The following DAB1 variants were observed in gnomAD, a reference collection of about 807,000 sequenced individuals.
DAB1 encodes disabled homolog 1.
Under a neutral mutation model 64.6 loss-of-function variants are expected in DAB1, and 15 were observed. The ratio of observed to expected loss-of-function variants is 0.23; its 90% CI spans 0.16 to 0.36. The LOEUF is 0.36. DAB1 is among the 10% of genes least tolerant of loss of function. The pLI is 1.00. For missense variants in DAB1, 596 were observed against 706.7 expected (o/e 0.84, Z 1.78); for synonymous variants, 235 against 251.9 (o/e 0.93, Z 0.64).
chr1:57,298,286 G>A (rs1279201400), intron 1 of DAB1, among the ~76,000 whole-genome samples: 2 of 152,194 alleles, frequency 1.3e-5, no homozygotes, highest in Non-Finnish European at 2.9e-5. Context: ...CTATAAAGCT[G>A]CTGTAGGTGT....
rs192125319 is a variant in DAB1, at chr1:58,199,130, T to G, written n.310-48542A>C. On this transcript the variant is annotated intron_variant and non_coding_transcript_variant, in intron 4 of 20. Transcript: ENST00000485760. ...TCAAAAACAAAAAACAAAAAACAAA[T>G]GTACTGGAACTGCCTGCAGTCCTAT... Among the ~76,000 whole-genome samples, 390 of 151,954 alleles carry G rather than the reference T, an allele frequency of 2.6e-3. 2 individuals are homozygous for G. The highest frequency in any genetic ancestry group is 9.1e-3 in the African/African-American group (379 of 41,478).
At chr1:58,373,420 G>T (rs531621867) in intron 3 of DAB1, among the ~76,000 whole-genome samples, 3 of 148,766 alleles carry the variant, frequency 2.0e-5, no homozygotes, top group South Asian at 4.4e-4. Flanking sequence ...AGAATATGCG[G>T]TGTTTGGTTT....
At chr1:57,181,698 C>T (rs1375560203) in intron 2 of DAB1, among the ~76,000 whole-genome samples, 6 of 152,206 alleles carry the variant, frequency 3.9e-5, no homozygotes, top group Non-Finnish European at 7.4e-5. Flanking sequence ...AAATTAAGTA[C>T]AAATGTGTAT....
chr1:57,890,593 T>A (rs1644297155), intron 5 of DAB1, among the ~76,000 whole-genome samples: 1 of 151,782 alleles, frequency 6.6e-6, no homozygotes, highest in African/African-American at 2.4e-5. Context: ...GTCACTGGGA[T>A]CCCCGGCATG....
intron 5 of DAB1, among the ~76,000 whole-genome samples, chr1:58,078,699 A>T (rs944115659): frequency 6.6e-6 from 1 of 152,220 alleles, no homozygotes; most frequent in Admixed American, 6.5e-5. Context: ...TGTTAATTTT[A>T]ATATTAATAA....
At chr1:58,055,890 T>TATG (rs967077347) in intron 5 of DAB1, among the ~76,000 whole-genome samples, 3 of 150,916 alleles carry the variant, frequency 2.0e-5, no homozygotes, top group African/African-American at 7.3e-5. Context: ...GAGTTATTAT[T>TATG]ATTATTATTA....
At chr1:57,365,533 A>C (rs1218084726) in intron 1 of DAB1, among the ~76,000 whole-genome samples, 1 of 151,790 alleles carries the variant, frequency 6.6e-6, no homozygotes, top group East Asian at 1.9e-4. Context: ...GGACTGCTAT[A>C]TTCCAACCAA....
intron 4 of DAB1, among the ~76,000 whole-genome samples, chr1:58,266,021 C>G (rs1303672617): frequency 7.8e-6 from 1 of 128,456 alleles, no homozygotes; most frequent in African/African-American, 3.0e-5. Context: ...TGTCTCTATA[C>G]ACACACACAC....
At chr1:58,130,649 C>T (rs12026897) in intron 5 of DAB1, among the ~76,000 whole-genome samples, 2,432 of 151,912 alleles carry the variant, frequency 0.016, 60 homozygotes, top group South Asian at 0.1. Flanking sequence ...GTAAGGCAGG[C>T]CTGGTGGTGA....
chr1:58,393,529 C>G (rs1644493975), intron 3 of DAB1, among the ~76,000 whole-genome samples: 1 of 152,128 alleles, frequency 6.6e-6, no homozygotes, highest in Admixed American at 6.6e-5. Flanking sequence ...ATTAACGAAC[C>G]TCAGGTCTGG....
At chr1:57,642,474 C>G (rs999873432) in intron 7 of DAB1, among the ~76,000 whole-genome samples, 2 of 152,148 alleles carry the variant, frequency 1.3e-5, no homozygotes, top group Admixed American at 6.5e-5. Context: ...CATATGTCTC[C>G]CCTCTACTCT....
chr1:57,385,709 A>C (rs1041164714), intron 1 of DAB1, among the ~76,000 whole-genome samples: 13 of 152,176 alleles, frequency 8.5e-5, no homozygotes, highest in South Asian at 2.1e-4. Flanking sequence ...GGATCTAGGG[A>C]GAAAGGGCCT....
chr1:58,259,865 T>C (rs1478569115), intron 4 of DAB1, among the ~76,000 whole-genome samples: 1 of 152,206 alleles, frequency 6.6e-6, no homozygotes, highest in Non-Finnish European at 1.5e-5. Flanking sequence ...AATAAAGTAA[T>C]GATGATAGAT....
At chr1:57,351,560 T>A (rs559891709) in intron 1 of DAB1, among the ~76,000 whole-genome samples, 17 of 151,812 alleles carry the variant, frequency 1.1e-4, no homozygotes, top group Middle Eastern at 3.4e-3. Context: ...TTGTATAAGG[T>A]GATATTAAGG....
chr1:58,188,482 C>A (rs915967119), intron 4 of DAB1, among the ~76,000 whole-genome samples: 3 of 152,146 alleles, frequency 2.0e-5, no homozygotes, highest in Non-Finnish European at 4.4e-5. Flanking sequence ...TGTAAACATT[C>A]ATCTAAAATA....
upstream of DAB1, among the ~76,000 whole-genome samples, chr1:57,426,876 T>TATATATATATATATATA (rs1383757354): frequency 0.014 from 1,902 of 134,748 alleles, 59 homozygotes; most frequent in Non-Finnish European, 0.02. Flanking sequence ...ATATATATAT[T>TATATATATATATATATA]TTTTTGAGAC....
At chr1:57,771,126 G>C (rs1569630749) in intron 6 of DAB1, among the ~76,000 whole-genome samples, 1 of 152,284 alleles carries the variant, frequency 6.6e-6, no homozygotes, top group East Asian at 1.9e-4. Context: ...GGAAGTACCT[G>C]GCATATCACT....
At chr1:57,792,532 T>C (rs1650653241) in intron 6 of DAB1, among the ~76,000 whole-genome samples, 2 of 152,230 alleles carry the variant, frequency 1.3e-5, no homozygotes, top group Non-Finnish European at 2.9e-5. Context: ...TTCCAGAAGC[T>C]ACCAAGGAGC....
intron 5 of DAB1, among the ~76,000 whole-genome samples, chr1:57,958,163 A>T (rs1645435747): frequency 6.6e-6 from 1 of 152,068 alleles, no homozygotes; most frequent in Non-Finnish European, 1.5e-5. Context: ...TTTTTAGTAG[A>T]GACGGGGTTT....
Sources: allele counts gnomAD v4.1 joint callset (sites outside exome capture counted in the v4.1 genomes callset), GRCh38; gene constraint gnomAD v4.1.1; transcripts MANE v1.5; gene names NCBI Gene and HGNC (gene_info 2026-07-23, HGNC 2026-07-21).